The following DERA variants were observed in gnomAD, a reference collection of about 807,000 sequenced individuals.
DERA encodes the protein 2-deoxy-D-ribose 5-phosphate aldolase.
In DERA, 15 loss-of-function variants were observed where a neutral mutation model predicts 41.1. The ratio of observed to expected loss-of-function variants is 0.37; its 90% confidence interval spans 0.24 to 0.56. DERA has a LOEUF of 0.56. Among genes scored for constraint, DERA ranks in the 20% least tolerant of loss-of-function variants. The pLI is 0.81. For synonymous variants in DERA, 139 were observed against 137.4 expected (o/e 1.01, Z -0.08); for missense variants, 396 against 403.4 (o/e 0.98, Z 0.16).
intron 5 of DERA, among the ~76,000 whole-genome samples, chr12:15,968,571 G>A (rs1250674509): frequency 6.6e-6 from 1 of 152,236 alleles, no homozygotes; most frequent in Non-Finnish European, 1.5e-5. Flanking sequence ...AGCAGGAATA[G>A]TTGAAAGCTG....
In DERA at chr12:15,990,266, A is replaced by G. The variant is rs1249011433; in HGVS notation, c.637+7830A>G. Among the ~76,000 whole-genome samples the G allele has an allele frequency of 6.6e-6, 1 of 152,172 alleles. No individual in the cohort carries two copies. Among genetic ancestry groups the G allele is most frequent in the Non-Finnish European group, 1.5e-5 (1 of 68,030 alleles). On this transcript the variant is annotated intron_variant, in intron 6 of 8. Coordinates refer to ENST00000428559, the MANE Select transcript of DERA (RefSeq NM_015954.4). The surrounding 1 kb of genome is among the most constrained non-coding windows in gnomAD (Gnocchi z 4.3). ...TTCTGTACTGATTCCAAAGCTTACT[A>G]TATTAGCAGAATTGTTCAATGAATC...
rs998797914 is a variant in DERA, at chr12:15,943,404, A to T, written c.32-13532A>T. 6.6e-6 allele frequency among the ~76,000 whole-genome samples: 1 copy of T among 152,214 alleles called. No individual in the cohort carries two copies. Among genetic ancestry groups the T allele is most frequent in the African/African-American group, 2.4e-5 (1 of 41,462 alleles). ...GCTTCCTACTTGACTTTCGCACCAC[A>T]GCCAGAGGGGTTATTTAAAAATGTA... On this transcript the variant is annotated intron_variant, in intron 1 of 8. Coordinates refer to ENST00000428559, the MANE Select transcript of DERA (RefSeq NM_015954.4). This position sits in a 1 kb window ranked among gnomAD's most constrained non-coding sequence, Gnocchi z 4.5.
chr12:15,937,289 A>G (rs1383102603), intron 1 of DERA, among the ~76,000 whole-genome samples: 1 of 152,148 alleles, frequency 6.6e-6, no homozygotes, highest in Admixed American at 6.5e-5. Flanking sequence ...TATATCTAAA[A>G]CTTGATTCGA....
At position 15,998,275 on chromosome 12, in the gene DERA, A is replaced by G. The variant is rs1026058750; in HGVS notation, c.637+15839A>G. ...CAGGAATGAGAACCTCTGATCTAGG[A>G]TCTAGCTTTCCTAATGTTAACACAG... On this transcript the variant is annotated intron_variant, in intron 6 of 8. Coordinates refer to ENST00000428559, the MANE Select transcript of DERA (RefSeq NM_015954.4). This position sits in a 1 kb window ranked among gnomAD's most constrained non-coding sequence, Gnocchi z 4.8. 2.6e-5 allele frequency among the ~76,000 whole-genome samples: 4 copies of G among 152,146 alleles called. No homozygotes were observed. The highest frequency in any genetic ancestry group is 9.7e-5 in the African/African-American group (4 of 41,426).
chr12:15,986,639 T>C (rs1846130421), intron 6 of DERA, among the ~76,000 whole-genome samples: 1 of 152,214 alleles, frequency 6.6e-6, no homozygotes, highest in South Asian at 2.1e-4. Context: ...GTTATTTTAA[T>C]GTTCTTTTCT....
intron 1 of DERA, among the ~76,000 whole-genome samples, chr12:15,917,099 A>G (rs1212350759): frequency 6.6e-6 from 1 of 152,198 alleles, no homozygotes; most frequent in African/African-American, 2.4e-5. Flanking sequence ...ATGGGTCACA[A>G]GTGAGAAGTG....
chr12:16,034,476 GA>G (rs1359383791), intron 7 of DERA, among the ~76,000 whole-genome samples: 20 of 152,068 alleles, frequency 1.3e-4, no homozygotes, highest in Non-Finnish European at 2.1e-4. Flanking sequence ...GTTTTATTAA[GA>G]AAAAGACAGG....
In DERA at chr12:16,036,706, C is replaced by A. The variant is rs139343788; in HGVS notation, c.917C>A (p.Thr306Asn). The A allele has an allele frequency of 1.6e-5, 25 of 1,604,092 alleles. No individual in the cohort carries two copies. Among genetic ancestry groups the A allele is most frequent in the Non-Finnish European group, 2.1e-5 (25 of 1,176,536 alleles). ...DIERQIYHHV[T>N]GRYAAYHDLP... ...TCCTCACAGATTTACCATCATGTGA[C>A]TGGAAGATATGCAGCTTATCATGAT... The change falls in exon 9 of 9, where the codon ACT becomes AAT. Residue 306 changes from threonine (T) to asparagine (N), a missense_variant. Coordinates refer to ENST00000428559, the MANE Select transcript of DERA (RefSeq NM_015954.4). The surrounding 1 kb of genome is among the most constrained non-coding windows in gnomAD (Gnocchi z 4.9).
In DERA at chr12:16,036,082, TG is replaced by T. The variant is rs1283238201; in HGVS notation, c.751-149del. 5.1e-5 allele frequency: 33 copies of T among 643,142 alleles called. No individual in the cohort carries two copies. The East Asian group carries it at 9.8e-4, about 19-fold the overall frequency. 39.8% of individuals were successfully genotyped at this position (643,142 alleles called of 1,614,324 possible). The stretch of plus-strand genomic sequence containing the variant: ...TGTAGTGTGAATGAGCATGAGTCAC[TG>T]ATCTAAGCCCTTTCACTGGATGAAG... On this transcript the variant is annotated intron_variant, in intron 7 of 8. Transcript: ENST00000428559. This position sits in a 1 kb window ranked among gnomAD's most constrained non-coding sequence, Gnocchi z 4.9.
At chr12:15,929,677 A>C (rs1452333809) in intron 1 of DERA, among the ~76,000 whole-genome samples, 1 of 152,172 alleles carries the variant, frequency 6.6e-6, no homozygotes, top group Non-Finnish European at 1.5e-5. Context: ...AGGGATCTGG[A>C]GAGTATTTGA....
chr12:15,981,004 C>T lies in DERA; in HGVS notation c.509-1304C>T, dbSNP rs980164304. Reference sequence around the variant, plus strand: ...GCTTTAAGAAATGCTTACCCCAACCCTTATTATGAATGTTTCCCTCCTGCT... The same window carrying T: ...GCTTTAAGAAATGCTTACCCCAACCTTTATTATGAATGTTTCCCTCCTGCT... On this transcript the variant is annotated intron_variant, in intron 5 of 8. Coordinates refer to ENST00000428559, the MANE Select transcript of DERA (RefSeq NM_015954.4). This position sits in a 1 kb window ranked among gnomAD's most constrained non-coding sequence, Gnocchi z 6.1. 3.9e-5 allele frequency among the ~76,000 whole-genome samples: 6 copies of T among 152,146 alleles called. No homozygotes were observed. Among genetic ancestry groups the T allele is most frequent in the Non-Finnish European group, 5.9e-5 (4 of 68,040 alleles).
chr12:15,989,959 G>A lies in DERA; in HGVS notation c.637+7523G>A, dbSNP rs143012881. Among the ~76,000 whole-genome samples, 1 of 152,150 alleles carries A rather than the reference G, an allele frequency of 6.6e-6. No homozygotes were observed. Among genetic ancestry groups the A allele is most frequent in the Non-Finnish European group, 1.5e-5 (1 of 67,998 alleles). On this transcript the variant is annotated intron_variant, in intron 6 of 8. Coordinates refer to ENST00000428559, the MANE Select transcript of DERA (RefSeq NM_015954.4). The surrounding 1 kb of genome is among the most constrained non-coding windows in gnomAD (Gnocchi z 5.2). The stretch of plus-strand genomic sequence containing the variant: ...ACACAGTCAGAAGACCAGAACTCTT[G>A]TTCTGTCTTGCATATTTTGTGACCT...
Position 15,982,255 on chromosome 12 carries a change from G to A in DERA, c.509-53G>A. On this transcript the variant is annotated intron_variant, in intron 5 of 8. Transcript: ENST00000428559. This position sits in a 1 kb window ranked among gnomAD's most constrained non-coding sequence, Gnocchi z 4.0. ...TCCACCAGCTCTAAACGGCTGCCAA[G>A]TTATGTTATCACTTGCCTGCTTTGT... 2 of 1,572,558 alleles carry A rather than the reference G, an allele frequency of 1.3e-6. No homozygotes were observed. The highest frequency in any genetic ancestry group is 8.6e-7 in the Non-Finnish European group (1 of 1,161,498).
In DERA at chr12:15,911,709, C is replaced by G. The variant is rs1269066272; in HGVS notation, c.31+295C>G. On this transcript the variant is annotated intron_variant, in intron 1 of 8. Transcript: ENST00000428559. This position sits in a 1 kb window ranked among gnomAD's most constrained non-coding sequence, Gnocchi z 4.5. Reference sequence around the variant, plus strand: ...ACTCTAGCTCGCTGGTTGGAAAACCCAACAACCCAAAAAACAAAACCCAAA... The same window carrying G: ...ACTCTAGCTCGCTGGTTGGAAAACCGAACAACCCAAAAAACAAAACCCAAA... 1 of 654,902 alleles carries G rather than the reference C, an allele frequency of 1.5e-6. No individual in the cohort carries two copies. Among genetic ancestry groups the G allele is most frequent in the African/African-American group, 1.8e-5 (1 of 56,044 alleles). The allele number at this position is 654,902 out of a possible 1,614,324, so 40.6% of individuals were successfully genotyped here. A position where few individuals can be genotyped will look rare whatever the true frequency, so the allele number is the denominator to read the frequency against.
In DERA at chr12:15,924,029, T is replaced by C. The variant is rs150980052; in HGVS notation, c.31+12615T>C. 6.6e-6 allele frequency among the ~76,000 whole-genome samples: 1 copy of C among 152,278 alleles called. No individual in the cohort carries two copies. The highest frequency in any genetic ancestry group is 1.5e-5 in the Non-Finnish European group (1 of 68,014). On this transcript the variant is annotated intron_variant, in intron 1 of 8. Transcript: ENST00000428559. This position sits in a 1 kb window ranked among gnomAD's most constrained non-coding sequence, Gnocchi z 5.0. ...TCTTTAGTTGAAGAAAATAATTGAG[T>C]TAGTGAGTAACAGCCAAATAATTCT...
rs755046208 is a variant in DERA at position 15,962,781 on chromosome 12, T to C, written c.374-32T>C. On this transcript the variant is annotated intron_variant, in intron 4 of 8. Coordinates refer to ENST00000428559, the MANE Select transcript of DERA (RefSeq NM_015954.4). ...TTACTTTCTTTCTTCCCTCCTTCCC[T>C]CTTTCTTCATTTCCTTTCTTAACTC... The C allele has an allele frequency of 2.0e-6, 3 of 1,511,066 alleles. No individual in the cohort carries two copies. In the African/African-American group the frequency reaches 4.2e-5, roughly 21 times the overall value. The allele number at this position is 1,511,066 out of a possible 1,614,324, so 93.6% of individuals were successfully genotyped here.
In DERA at chr12:15,982,838, TTTTG is replaced by T. The variant is rs2136162868; in HGVS notation, c.637+408_637+411del. On this transcript the variant is annotated intron_variant, in intron 6 of 8. Transcript: ENST00000428559. This position sits in a 1 kb window ranked among gnomAD's most constrained non-coding sequence, Gnocchi z 4.0. The stretch of plus-strand genomic sequence containing the variant: ...CCATACTATCTGAGACAGCCTCTGC[TTTTG>T]TTTGTGTTAATGTTTTAAAATTTAG... Among the ~76,000 whole-genome samples the T allele has an allele frequency of 6.6e-6, 1 of 152,358 alleles. No individual in the cohort carries two copies. The highest frequency in any genetic ancestry group is 6.5e-5 in the Admixed American group (1 of 15,306).
rs1565604637 is a variant in DERA, at chr12:15,982,760, T to C, written c.637+324T>C. On this transcript the variant is annotated intron_variant, in intron 6 of 8. Coordinates refer to ENST00000428559, the MANE Select transcript of DERA (RefSeq NM_015954.4). This position sits in a 1 kb window ranked among gnomAD's most constrained non-coding sequence, Gnocchi z 4.0. ...CAACATATGTTAGACAGGAATTTCT[T>C]TGACTTACTCCTCTCTGAATTTAAG... is the stretch of plus-strand genomic sequence containing the variant. Among the ~76,000 whole-genome samples, 2 of 152,228 alleles carry C rather than the reference T, an allele frequency of 1.3e-5. No individual in the cohort carries two copies. Among genetic ancestry groups the C allele is most frequent in the African/African-American group, 2.4e-5 (1 of 41,464 alleles).
In DERA at chr12:16,004,988, T is replaced by C. The variant is rs1948899777; in HGVS notation, c.637+22552T>C. On this transcript the variant is annotated intron_variant, in intron 6 of 8. Transcript: ENST00000428559. This position sits in a 1 kb window ranked among gnomAD's most constrained non-coding sequence, Gnocchi z 4.2. Reference sequence around the variant, plus strand: ...CAGAGCAACTGAGGATTTGGTTTTATGCCCTGTAGAGTTCAAATTAAATTT... The same window carrying C: ...CAGAGCAACTGAGGATTTGGTTTTACGCCCTGTAGAGTTCAAATTAAATTT... 6.6e-6 allele frequency among the ~76,000 whole-genome samples: 1 copy of C among 152,364 alleles called. No individual in the cohort carries two copies. Among genetic ancestry groups the C allele is most frequent in the East Asian group, 1.9e-4 (1 of 5,192 alleles).
Sources: allele counts gnomAD v4.1 joint callset (sites outside exome capture counted in the v4.1 genomes callset), GRCh38; gene constraint gnomAD v4.1.1; non-coding constraint Gnocchi (gnomAD v3.1); transcripts MANE v1.5; gene names NCBI Gene and HGNC (gene_info 2026-07-23, HGNC 2026-07-21).